Variants in INTS9 observed in about 807,000 individuals in gnomAD.
INTS9 encodes the protein integrator complex subunit 9, also known as protein related to CPSF subunits of 74 kDa.
Under a neutral mutation model 79.7 loss-of-function variants are expected in INTS9, and 55 were observed. That is an observed-to-expected ratio of 0.69 (90% CI 0.56 to 0.86). The LOEUF is 0.86. Among genes scored for constraint, INTS9 ranks in the 40% least tolerant of loss-of-function variants. The probability of loss-of-function intolerance (pLI) is 0.00; values close to 1 mark genes in which losing one functional copy is unlikely to be tolerated. For synonymous variants in INTS9, 319 were observed against 325.2 expected (o/e 0.98, Z 0.20); for missense variants, 721 against 831.5 (o/e 0.87, Z 1.64).
chr8:28,874,316 G>C (rs1396062634), intron 1 of INTS9, among the ~76,000 whole-genome samples: 4 of 150,066 alleles, frequency 2.7e-5, no homozygotes, highest in Non-Finnish European at 5.9e-5. Context: ...TTGAGACAGA[G>C]TCTCGCTCTG....
chr8:28,835,700 T>C (rs1404973170), intron 5 of INTS9, among the ~76,000 whole-genome samples: 1 of 152,228 alleles, frequency 6.6e-6, no homozygotes, highest in Non-Finnish European at 1.5e-5. Flanking sequence ...TCTCTACTTT[T>C]ATGTTACTGA....
intron 1 of INTS9, among the ~76,000 whole-genome samples, chr8:28,872,675 A>G (rs1420595040): frequency 6.6e-6 from 1 of 152,180 alleles, no homozygotes; most frequent in Non-Finnish European, 1.5e-5. Context: ...TGGTAGTCAT[A>G]TTGGATCACA....
At chr8:28,807,443 G>A (rs1804872046) in intron 8 of INTS9, among the ~76,000 whole-genome samples, 1 of 152,136 alleles carries the variant, frequency 6.6e-6, no homozygotes, top group South Asian at 2.1e-4. Flanking sequence ...TAATGTATGG[G>A]CCCATTTTTC....
At chr8:28,836,917 C>G (rs953620435) in intron 5 of INTS9, among the ~76,000 whole-genome samples, 28 of 152,288 alleles carry the variant, frequency 1.8e-4, no homozygotes, top group African/African-American at 6.7e-4. Context: ...ATTTTGGAAC[C>G]TGACAGTTTC....
At position 28,831,855 on chromosome 8, in the gene INTS9, C is replaced by T. The variant is rs148266532; in HGVS notation, c.488+3437G>A. ...CTGGAACTACAGGTGCCCACCACTACGCCTGGCTAATTTTTTTTTGTATTT... is the reference window on the plus strand; with the variant it reads ...CTGGAACTACAGGTGCCCACCACTATGCCTGGCTAATTTTTTTTTGTATTT... On this transcript the variant is annotated intron_variant, in intron 6 of 16. Coordinates refer to ENST00000521022, the MANE Select transcript of INTS9 (RefSeq NM_018250.4). 4.2e-3 allele frequency among the ~76,000 whole-genome samples: 632 copies of T among 152,166 alleles called. 4 individuals carry two copies. Among genetic ancestry groups the T allele is most frequent in the African/African-American group, 0.014 (573 of 41,512 alleles).
chr8:28,806,752 A>G (rs913962619), intron 8 of INTS9, among the ~76,000 whole-genome samples: 24 of 152,356 alleles, frequency 1.6e-4, no homozygotes, highest in African/African-American at 5.0e-4. Flanking sequence ...CTAGAAACAA[A>G]CAATTATACT....
At chr8:28,776,083 CAGGAG>C in intron 13 of INTS9, 157 bp from the exon 14 acceptor site, 1 of 541,360 alleles carries the variant, frequency 1.8e-6, no homozygotes, top group Non-Finnish European at 3.2e-6. Flanking sequence ...GAACCGTAGA[CAGGAG>C]AGGGAACGTG....
chr8:28,778,083 G>A, intron 12 of INTS9, 130 bp from the exon 13 acceptor site: 1 of 1,018,878 alleles, frequency 9.8e-7, no homozygotes, highest in Non-Finnish European at 1.3e-6. Flanking sequence ...GCACACGTGG[G>A]GGACGGAGGT....
intron 8 of INTS9, among the ~76,000 whole-genome samples, chr8:28,811,520 C>T (rs1315827614): frequency 6.6e-6 from 1 of 152,006 alleles, no homozygotes; most frequent in Non-Finnish European, 1.5e-5. Flanking sequence ...TTCCCAGGCT[C>T]AAGCGATCCT....
chr8:28,793,054 T>A (rs1451512518), intron 10 of INTS9, among the ~76,000 whole-genome samples: 2 of 152,130 alleles, frequency 1.3e-5, no homozygotes, highest in Non-Finnish European at 2.9e-5. Context: ...GGGGGCAGCG[T>A]AACTGAATAT....
intron 12 of INTS9, among the ~76,000 whole-genome samples, chr8:28,778,808 T>C (rs1265927882): frequency 6.6e-6 from 1 of 152,200 alleles, no homozygotes; most frequent in African/African-American, 2.4e-5. Context: ...GTCTCCACTG[T>C]TGTCAGGACA....
chr8:28,860,022 T>C lies in INTS9; in HGVS notation c.10-459A>G, dbSNP rs141645150. Among the ~76,000 whole-genome samples, 296 of 142,136 alleles carry C rather than the reference T, an allele frequency of 2.1e-3. 1 individual carries two copies. The highest frequency in any genetic ancestry group is 3.3e-3 in the Non-Finnish European group (221 of 67,966). 93.2% of individuals were successfully genotyped at this position (142,136 alleles called of 152,430 possible). A position where few individuals can be genotyped will look rare whatever the true frequency, so the allele number is the denominator to read the frequency against. On this transcript the variant is annotated intron_variant, in intron 1 of 16. Coordinates refer to ENST00000521022, the MANE Select transcript of INTS9 (RefSeq NM_018250.4). ...GTGACCTTCCTCAAAGAGGAACTGGTTAGAAAGGTTAACTAACAAGCATGA... is the reference window on the plus strand; with the variant it reads ...GTGACCTTCCTCAAAGAGGAACTGGCTAGAAAGGTTAACTAACAAGCATGA...
At chr8:28,849,577 A>G (rs1807710313) in intron 3 of INTS9, among the ~76,000 whole-genome samples, 1 of 151,998 alleles carries the variant, frequency 6.6e-6, no homozygotes, top group East Asian at 1.9e-4. Flanking sequence ...ATAGTGTCGG[A>G]GACCCACTAC....
chr8:28,827,030 ACT>A (rs1806187228), intron 6 of INTS9, among the ~76,000 whole-genome samples: 1 of 151,638 alleles, frequency 6.6e-6, no homozygotes, highest in Non-Finnish European at 1.5e-5. Context: ...TTTCCCAGAA[ACT>A]CTCCTTATGC....
At position 28,769,086 on chromosome 8, in the gene INTS9, G is replaced by A. The variant is rs572951688; in HGVS notation, c.1801-764C>T. ...TCTTCAGGGAGGGTGGAAGAGAGCC[G>A]CAACCACCCAGCCAGAGCCTTTTTC... is the stretch of plus-strand genomic sequence containing the variant. On this transcript the variant is annotated intron_variant, in intron 16 of 16. Transcript: ENST00000521022. Among the ~76,000 whole-genome samples, 358 of 152,278 alleles carry A rather than the reference G, an allele frequency of 2.4e-3. 2 individuals carry two copies. The highest frequency in any genetic ancestry group is 7.9e-3 in the African/African-American group (329 of 41,560).
chr8:28,864,433 A>G (rs1263375836), intron 1 of INTS9, among the ~76,000 whole-genome samples: 1 of 152,250 alleles, frequency 6.6e-6, no homozygotes, highest in Non-Finnish European at 1.5e-5. Flanking sequence ...AATGAGATAC[A>G]AGAAGGATTG....
intron 4 of INTS9, among the ~76,000 whole-genome samples, chr8:28,840,146 C>A (rs1807080029): frequency 6.7e-6 from 1 of 148,904 alleles, no homozygotes; most frequent in Non-Finnish European, 1.5e-5. Flanking sequence ...TGAACAGACA[C>A]TTCTCAAAAG....
At chr8:28,886,958 T>C (rs1257019782) in intron 1 of INTS9, among the ~76,000 whole-genome samples, 3 of 152,236 alleles carry the variant, frequency 2.0e-5, no homozygotes, top group Non-Finnish European at 4.4e-5. Context: ...AATTTCACTC[T>C]TTAATCTTTT....
rs529988048 is a variant in INTS9 at position 28,781,223 on chromosome 8, G to A, written c.1099-229C>T. Among the ~76,000 whole-genome samples, 210 of 152,150 alleles carry A rather than the reference G, an allele frequency of 1.4e-3. 3 individuals carry two copies. Among genetic ancestry groups the A allele is most frequent in the African/African-American group, 4.8e-3 (201 of 41,494 alleles). ...AATGAACAGCCCTATTAAAAAGTGG[G>A]CAAAAAACCTGAACAGACACCTCAT... On this transcript the variant is annotated intron_variant, in intron 11 of 16. Transcript: ENST00000521022.
Sources: gnomAD v4.1 joint callset for allele counts (sites outside exome capture counted in the v4.1 genomes callset) on GRCh38, gnomAD v4.1.1 for gene constraint, MANE v1.5 for transcripts, NCBI Gene and HGNC (gene_info 2026-07-23, HGNC 2026-07-21) for gene names.